Variants in TMEM245 observed in about 807,000 individuals in gnomAD.
The protein encoded by TMEM245 is protein CG-2.
Under a neutral mutation model 101.2 loss-of-function variants are expected in TMEM245, and 69 were observed. That is an observed-to-expected ratio of 0.68 (90% CI 0.56 to 0.83). The LOEUF is 0.83. TMEM245 is among the 40% of genes least tolerant of loss of function. TMEM245 has a pLI of 0.00. For missense variants in TMEM245, 1,075 were observed against 1,092.8 expected (o/e 0.98, Z 0.23); for synonymous variants, 537 against 449.8 (o/e 1.19, Z -2.45).
chr9:109,082,334 G>C (rs1182323044), intron 7 of TMEM245, among the ~76,000 whole-genome samples: 1 of 147,662 alleles, frequency 6.8e-6, no homozygotes, highest in Non-Finnish European at 1.5e-5. Flanking sequence ...ACAATGCAGA[G>C]ACTTAAAAAA....
At chr9:109,051,295 A>AACACACACACACACACAC (rs67093439) in intron 12 of TMEM245, among the ~76,000 whole-genome samples, 19 of 135,234 alleles carry the variant, frequency 1.4e-4, no homozygotes, top group South Asian at 7.6e-4. Flanking sequence ...TCTGTCTCAA[A>AACACACACACACACACAC]ACACACACAC....
intron 12 of TMEM245, among the ~76,000 whole-genome samples, chr9:109,052,819 A>C (rs1302030166): frequency 1.3e-5 from 2 of 152,142 alleles, no homozygotes; most frequent in Non-Finnish European, 2.9e-5. Flanking sequence ...AAAAAAAAAA[A>C]TTTAAATAGT....
chr9:109,050,548 G>A (rs1419391534), intron 13 of TMEM245, 22 bp downstream of exon 13: 2 of 1,613,866 alleles, frequency 1.2e-6, no homozygotes, highest in East Asian at 2.2e-5. Flanking sequence ...AATATGACGT[G>A]TACTTATCTA....
At chr9:109,060,738 T>C (rs992919797) in intron 10 of TMEM245, among the ~76,000 whole-genome samples, 2 of 152,230 alleles carry the variant, frequency 1.3e-5, no homozygotes, top group African/African-American at 2.4e-5. Flanking sequence ...TGCTGACTTA[T>C]CTGATCTTAC....
intron 11 of TMEM245, among the ~76,000 whole-genome samples, 172 bp from the exon 12 acceptor site, chr9:109,057,494 T>A (rs562396009): frequency 6.6e-6 from 1 of 152,214 alleles, no homozygotes; most frequent in Admixed American, 6.6e-5. Context: ...GGCTCATGTC[T>A]GTAATCCCAG....
At chr9:109,099,142 G>A (rs1051118023) in intron 3 of TMEM245, among the ~76,000 whole-genome samples, 1 of 152,160 alleles carries the variant, frequency 6.6e-6, no homozygotes, top group African/African-American at 2.4e-5. Flanking sequence ...TCCCTTTGAA[G>A]AAGGCTTCTG....
At chr9:109,060,694 C>T (rs532461712) in intron 10 of TMEM245, among the ~76,000 whole-genome samples, 2 of 152,166 alleles carry the variant, frequency 1.3e-5, no homozygotes, top group Non-Finnish European at 2.9e-5. Context: ...AGCTACCTCA[C>T]GCTATCAGAG....
At chr9:109,052,217 A>G (rs191243645) in intron 12 of TMEM245, among the ~76,000 whole-genome samples, 42 of 152,290 alleles carry the variant, frequency 2.8e-4, no homozygotes, top group African/African-American at 9.4e-4. Flanking sequence ...CCAGAAAAAC[A>G]CCTCCCATTA....
intron 17 of TMEM245, among the ~76,000 whole-genome samples, chr9:109,020,823 T>G (rs980549922): frequency 2.6e-5 from 4 of 152,238 alleles, no homozygotes; most frequent in African/African-American, 9.6e-5. Context: ...AAGAGCAATC[T>G]TCTTCAGCTC....
At chr9:109,100,131 G>A (rs1475178331) in intron 3 of TMEM245, among the ~76,000 whole-genome samples, 5 of 152,156 alleles carry the variant, frequency 3.3e-5, no homozygotes, top group Admixed American at 3.3e-4. Flanking sequence ...TAGGAGGCAA[G>A]GAAGCTAGGT....
Position 109,036,231 on chromosome 9 carries a change from T to C in TMEM245, c.2374A>G (p.Thr792Ala), listed in dbSNP as rs771476455. Residue 792 changes from threonine (T) to alanine (A), a missense_variant, in exon 16 of 18, where the codon ACT (threonine) becomes GCT (alanine). This residue lies in a region of TMEM245 where 267 missense variants were observed against 351.3 expected (regional missense o/e 0.76). Transcript: ENST00000374586. ...FHLLPTYFVD[T>A]AIYSDISGGG... ...CCTGATATGTCAGAGTAGATTGCAG[T>C]ATCTACAAAGTATGTTGGCAAGAGA... 2 of 1,611,772 alleles carry C rather than the reference T, an allele frequency of 1.2e-6. No individual in the cohort carries two copies. Among genetic ancestry groups the C allele is most frequent in the South Asian group, 2.2e-5 (2 of 90,632 alleles).
chr9:109,024,456 G>T (rs889124065), intron 17 of TMEM245, among the ~76,000 whole-genome samples: 1 of 152,168 alleles, frequency 6.6e-6, no homozygotes, highest in Non-Finnish European at 1.5e-5. Flanking sequence ...TAAAACAGTG[G>T]TAAAGTTAGA....
intron 5 of TMEM245, among the ~76,000 whole-genome samples, chr9:109,090,406 C>A (rs1829964378): frequency 6.6e-6 from 1 of 152,028 alleles, no homozygotes; most frequent in South Asian, 2.1e-4. Context: ...TTGTAAGAAG[C>A]TAAACACATT....
chr9:109,099,438 T>C (rs1830226332), intron 3 of TMEM245, among the ~76,000 whole-genome samples: 1 of 152,158 alleles, frequency 6.6e-6, no homozygotes, highest in African/African-American at 2.4e-5. Context: ...TTACAAACAA[T>C]TACCAATGCC....
rs909852194 is a variant in TMEM245, at chr9:109,019,429, A to T, written c.*1031T>A. On this transcript the variant is annotated 3_prime_UTR_variant, in exon 18 of 18. Transcript: ENST00000374586. ...TGATGTGATGTACTTGTGAAATAGT[A>T]TGTGCAAAAGGACTTTGTAAAATGT... The T allele has an allele frequency of 6.6e-6, 1 of 152,252 alleles. No homozygotes were observed. The highest frequency in any genetic ancestry group is 1.5e-5 in the Non-Finnish European group (1 of 68,044). The allele number at this position is 152,252 out of a possible 1,614,324, so 9.4% of individuals were successfully genotyped here. A position where few individuals can be genotyped will look rare whatever the true frequency, so the allele number is the denominator to read the frequency against.
intron 8 of TMEM245, among the ~76,000 whole-genome samples, chr9:109,074,847 A>C (rs1829448467): frequency 6.6e-6 from 1 of 152,212 alleles, no homozygotes; most frequent in Non-Finnish European, 1.5e-5. Flanking sequence ...CACAAAATAC[A>C]AACTGCACCA....
chr9:109,033,095 G>A (rs1443506720), intron 17 of TMEM245, among the ~76,000 whole-genome samples: 5 of 152,092 alleles, frequency 3.3e-5, no homozygotes, highest in Admixed American at 2.0e-4. Context: ...CACTGCTCCC[G>A]GCCCCAATAT....
intron 5 of TMEM245, among the ~76,000 whole-genome samples, chr9:109,088,163 C>A (rs981421153): frequency 1.3e-5 from 2 of 152,232 alleles, no homozygotes; most frequent in Non-Finnish European, 2.9e-5. Flanking sequence ...TTCCCTAACT[C>A]TAGAGATTTG....
chr9:109,112,648 T>C lies in TMEM245; in HGVS notation c.580-4078A>G, dbSNP rs368619417. On this transcript the variant is annotated intron_variant, in intron 1 of 17. Coordinates refer to ENST00000374586, the MANE Select transcript of TMEM245 (RefSeq NM_032012.4). The stretch of plus-strand genomic sequence containing the variant: ...AAGGTACAGAGCTATATGTATGTTA[T>C]CTCATCTTTGTTTTAAAAAACAAAA... Among the ~76,000 whole-genome samples, 140 of 152,126 alleles carry C rather than the reference T, an allele frequency of 9.2e-4. 3 individuals are homozygous for C. The South Asian group carries it at 0.026, about 28-fold the overall frequency.
Sources: allele counts gnomAD v4.1 joint callset (sites outside exome capture counted in the v4.1 genomes callset), GRCh38; gene constraint gnomAD v4.1.1; regional missense constraint gnomAD v4.1.1; transcripts MANE v1.5; gene names NCBI Gene and HGNC (gene_info 2026-07-23, HGNC 2026-07-21).